SYNE2: variants seen among roughly 807,000 people sequenced by gnomAD.
The protein encoded by SYNE2 is nesprin-2.
Under a neutral mutation model 856.3 loss-of-function variants are expected in SYNE2, and 431 were observed. That is an observed-to-expected ratio of 0.50 (90% CI 0.47 to 0.55). The LOEUF is 0.55. Among genes scored for constraint, SYNE2 ranks in the 20% least tolerant of loss-of-function variants. The probability of loss-of-function intolerance (pLI) is 0.00; values close to 1 mark genes in which losing one functional copy is unlikely to be tolerated. For missense variants in SYNE2, 8,129 were observed against 8,023.2 expected (o/e 1.01, Z -0.50); for synonymous variants, 2,923 against 2,872.3 (o/e 1.02, Z -0.56).
At chr14:64,040,218 C>G (rs774211605) in intron 45 of SYNE2, among the ~76,000 whole-genome samples, 2 of 151,940 alleles carry the variant, frequency 1.3e-5, no homozygotes, top group Non-Finnish European at 2.9e-5. Context: ...ATAAATAGCA[C>G]AAAGGAACAC....
chr14:63,889,483 T>C (rs543884235), intron 1 of SYNE2, among the ~76,000 whole-genome samples: 49 of 152,192 alleles, frequency 3.2e-4, no homozygotes, highest in African/African-American at 1.2e-3. Flanking sequence ...TTTTAAAATA[T>C]TTATATTTTG....
rs1888246025 is a variant in SYNE2, at chr14:63,803,601, G to A, written c.-305+41615G>A. Among the ~76,000 whole-genome samples, 4 of 152,192 alleles carry A rather than the reference G, an allele frequency of 2.6e-5. 1 individual carries two copies. In the South Asian group the frequency reaches 8.3e-4, roughly 32 times the overall value. ...CCATGCCCGCCCGGAACTCCAGCTG[G>A]CCTGCAAGCACGCACGCAGCCCCGG... On this transcript the variant is annotated intron_variant, in intron 1 of 23. Transcript: ENST00000674003.
intron 67 of SYNE2, among the ~76,000 whole-genome samples, chr14:64,119,916 A>G (rs1379657371): frequency 1.3e-5 from 2 of 152,212 alleles, no homozygotes; most frequent in East Asian, 3.8e-4. Context: ...AGAAGGATGT[A>G]TTATAAAGGA....
intron 52 of SYNE2, among the ~76,000 whole-genome samples, chr14:64,073,683 C>T (rs894339916): frequency 4.6e-5 from 7 of 151,984 alleles, no homozygotes; most frequent in East Asian, 1.9e-4. Context: ...TCAAGGATTA[C>T]GTGGAGAAAA....
chr14:63,817,044 A>T (rs1319707874), intron 1 of SYNE2, among the ~76,000 whole-genome samples: 1 of 152,130 alleles, frequency 6.6e-6, no homozygotes, highest in African/African-American at 2.4e-5. Context: ...ACCATGCCTG[A>T]CTTGATGATT....
At chr14:63,819,296 A>G (rs548578605) in intron 1 of SYNE2, among the ~76,000 whole-genome samples, 12 of 152,064 alleles carry the variant, frequency 7.9e-5, no homozygotes, top group African/African-American at 2.7e-4. Context: ...CAATGGCATA[A>G]TCTTGGCTCA....
chr14:64,130,918 A>G (rs1442377886), intron 76 of SYNE2, among the ~76,000 whole-genome samples: 1 of 151,850 alleles, frequency 6.6e-6, no homozygotes, highest in Non-Finnish European at 1.5e-5. Flanking sequence ...GGCTTTCCTG[A>G]GAACTAGAAT....
chr14:64,072,422 G>T (rs189710261), intron 52 of SYNE2, among the ~76,000 whole-genome samples: 1 of 152,134 alleles, frequency 6.6e-6, no homozygotes, highest in South Asian at 2.1e-4. Flanking sequence ...GATCACACAG[G>T]CTGGGGGCTC....
At chr14:63,984,508 C>G (rs2096610425) in intron 18 of SYNE2, among the ~76,000 whole-genome samples, 1 of 152,136 alleles carries the variant, frequency 6.6e-6, no homozygotes, top group Admixed American at 6.5e-5. Flanking sequence ...AGGCTAGCCC[C>G]TGGCCTCTGT....
chr14:63,847,907 A>G (rs1026319316), intron 1 of SYNE2, among the ~76,000 whole-genome samples: 1 of 142,504 alleles, frequency 7.0e-6, no homozygotes, highest in African/African-American at 2.6e-5. Context: ...TTTTCTTGAG[A>G]TGGAGTTTCA....
chr14:64,089,444 A>T, intron 58 of SYNE2, 130 bp from the exon 59 acceptor site: 2 of 493,874 alleles, frequency 4.0e-6, no homozygotes, highest in Non-Finnish European at 3.5e-6. Context: ...GTGCTTGGTT[A>T]GTTTTTCAGA....
chr14:64,081,195 G>C (rs971155523), intron 56 of SYNE2, among the ~76,000 whole-genome samples: 5 of 152,190 alleles, frequency 3.3e-5, no homozygotes, highest in Non-Finnish European at 7.3e-5. Context: ...GGCTAACCCA[G>C]AACTTTGCTG....
intron 2 of SYNE2, among the ~76,000 whole-genome samples, chr14:63,931,321 G>A (rs2095751125): frequency 6.6e-6 from 1 of 152,090 alleles, no homozygotes; most frequent in Non-Finnish European, 1.5e-5. Flanking sequence ...GGAGACCGAG[G>A]CAGGTGGATC....
chr14:64,038,446 T>C (rs932719096), intron 45 of SYNE2, among the ~76,000 whole-genome samples: 5 of 139,580 alleles, frequency 3.6e-5, no homozygotes, highest in African/African-American at 7.9e-5. Context: ...GGGTGGCGGC[T>C]TGGCAGAGGC....
At chr14:63,906,740 A>T (rs553442490) in intron 1 of SYNE2, among the ~76,000 whole-genome samples, 124 of 152,282 alleles carry the variant, frequency 8.1e-4, no homozygotes, top group African/African-American at 2.9e-3. Context: ...TTCTAATAGG[A>T]CTATTTTGCA....
chr14:63,962,775 C>T (rs1240061408), intron 9 of SYNE2, among the ~76,000 whole-genome samples: 1 of 152,148 alleles, frequency 6.6e-6, no homozygotes, highest in African/African-American at 2.4e-5. Flanking sequence ...CTCCTGGCCT[C>T]AAGTGATCTG....
intron 10 of SYNE2, among the ~76,000 whole-genome samples, chr14:63,966,566 T>C (rs993560980): frequency 6.7e-6 from 1 of 150,094 alleles, no homozygotes; most frequent in African/African-American, 2.5e-5. Flanking sequence ...AACTCTTTTT[T>C]TTCCCCCCCC....
intron 96 of SYNE2, among the ~76,000 whole-genome samples, chr14:64,183,624 A>G (rs1035071940): frequency 1.3e-5 from 2 of 152,190 alleles, no homozygotes; most frequent in Admixed American, 6.5e-5. Flanking sequence ...AGCCTGGGCA[A>G]CATTGAGCAC....
chr14:63,885,244 C>T (rs759912404), intron 1 of SYNE2, among the ~76,000 whole-genome samples: 1 of 152,154 alleles, frequency 6.6e-6, no homozygotes, highest in Non-Finnish European at 1.5e-5. Flanking sequence ...TTAGTAGAGG[C>T]GATTATTGAG....
Sources: gnomAD v4.1 joint callset for allele counts (sites outside exome capture counted in the v4.1 genomes callset) on GRCh38, gnomAD v4.1.1 for gene constraint, MANE v1.5 for transcripts, NCBI Gene and HGNC (gene_info 2026-07-23, HGNC 2026-07-21) for gene names.